VWA3B: variants seen among roughly 807,000 people sequenced by gnomAD.
VWA3B encodes the protein von Willebrand factor A domain-containing protein 3B.
In VWA3B, 138 loss-of-function variants were observed where a neutral mutation model predicts 158.3. The ratio of observed to expected loss-of-function variants is 0.87; its 90% CI spans 0.76 to 1.00. The LOEUF is 1.00. VWA3B is among the 50% of genes least tolerant of loss of function. VWA3B has a pLI of 0.00. For missense variants in VWA3B, 1,555 were observed against 1,565.1 expected (o/e 0.99, Z 0.11); for synonymous variants, 596 against 587.3 (o/e 1.01, Z -0.21).
At chr2:98,324,428 GC>G in the VWA3B span, among the ~76,000 whole-genome samples, 3 of 152,176 alleles carry the variant, frequency 2.0e-5, no homozygotes, top group African/African-American at 7.2e-5. Context: ...TTCCCAGAGT[GC>G]TGGGATTAGA....
chr2:98,139,566 A>G (rs1010254757), intron 7 of VWA3B, among the ~76,000 whole-genome samples: 15 of 152,162 alleles, frequency 9.9e-5, no homozygotes, highest in African/African-American at 3.4e-4. Context: ...AAACACACCA[A>G]TCAGAACCCT....
At chr2:98,095,124 A>G (rs1283070056) in intron 2 of VWA3B, among the ~76,000 whole-genome samples, 1 of 152,122 alleles carries the variant, frequency 6.6e-6, no homozygotes, top group Non-Finnish European at 1.5e-5. Context: ...TTGTGGTTCT[A>G]TACAAATTTA....
intron 20 of VWA3B, among the ~76,000 whole-genome samples, chr2:98,252,767 C>T (rs978298518): frequency 6.6e-6 from 1 of 152,090 alleles, no homozygotes; most frequent in Non-Finnish European, 1.5e-5. Context: ...ACAGGGAGCC[C>T]CTTCCCAGGC....
At chr2:98,134,011 G>A in intron 7 of VWA3B, 72 bp downstream of exon 7, 1 of 1,296,812 alleles carries the variant, frequency 7.7e-7, no homozygotes, top group Non-Finnish European at 1.1e-6. Flanking sequence ...TCATTAGGAA[G>A]TAAAGTACGA....
chr2:98,322,506 G>T, the VWA3B span, among the ~76,000 whole-genome samples: 2 of 152,178 alleles, frequency 1.3e-5, no homozygotes, highest in African/African-American at 4.8e-5. Flanking sequence ...CCTAAATTAG[G>T]CATGTACAAG....
At chr2:98,134,461 G>A (rs1009057254) in intron 7 of VWA3B, among the ~76,000 whole-genome samples, 2 of 152,164 alleles carry the variant, frequency 1.3e-5, no homozygotes, top group Non-Finnish European at 2.9e-5. Flanking sequence ...TGAGCACAGA[G>A]AATGAGGTCA....
chr2:98,270,610 T>A, intron 21 of VWA3B, 72 bp from the exon 22 acceptor site: 1 of 1,472,556 alleles, frequency 6.8e-7, no homozygotes, highest in African/African-American at 1.4e-5. Flanking sequence ...CTTACCATAT[T>A]TTTTTATTAT....
chr2:98,158,896 G>A (rs1678334178), intron 7 of VWA3B, among the ~76,000 whole-genome samples: 1 of 152,114 alleles, frequency 6.6e-6, no homozygotes, highest in Non-Finnish European at 1.5e-5. Context: ...AGCCCAGGGA[G>A]CTGGGCCCTG....
intron 8 of VWA3B, among the ~76,000 whole-genome samples, chr2:98,179,784 T>TC (rs1680340717): frequency 7.0e-5 from 5 of 71,586 alleles, no homozygotes; most frequent in Admixed American, 1.6e-4. Context: ...TCTTTCTCTT[T>TC]CTTTTCTTTC....
intron 3 of VWA3B, among the ~76,000 whole-genome samples, chr2:98,117,425 A>G (rs531506472): frequency 6.6e-6 from 1 of 152,306 alleles, no homozygotes; most frequent in African/African-American, 2.4e-5. Flanking sequence ...TGGGGCCTAG[A>G]ACTGGGCTGT....
chr2:98,123,132 T>C (rs1179242844), intron 5 of VWA3B, among the ~76,000 whole-genome samples: 4 of 152,164 alleles, frequency 2.6e-5, no homozygotes, highest in East Asian at 1.9e-4. Context: ...GCTTCTCTGC[T>C]CCACACCTGT....
intron 24 of VWA3B, among the ~76,000 whole-genome samples, chr2:98,299,157 A>T (rs1279045931): frequency 6.6e-6 from 1 of 152,186 alleles, no homozygotes; most frequent in Admixed American, 6.5e-5. Flanking sequence ...TTAGGAAATT[A>T]TCACAAATTG....
intron 8 of VWA3B, among the ~76,000 whole-genome samples, chr2:98,169,919 G>A (rs1679437451): frequency 6.6e-6 from 1 of 152,034 alleles, no homozygotes; most frequent in Non-Finnish European, 1.5e-5. Context: ...AGGAGTTTGA[G>A]ACCATCCTGG....
In VWA3B at chr2:98,236,641, A is replaced by G; in HGVS notation, c.2584A>G (p.Met862Val). The change falls in exon 19 of 28, where the codon ATG (methionine) becomes GTG (valine). Residue 862 changes from methionine to valine, a missense_variant. Physicochemically the swap from Met to Val is conservative, Grantham distance 21 (BLOSUM62 1). Transcript: ENST00000477737. ...CTTGGTCGCCAAGAAACTCACCCTCATGGATGCCTTGTCAGTGGCAGCAGT... is the reference window on the plus strand; with the variant it reads ...CTTGGTCGCCAAGAAACTCACCCTCGTGGATGCCTTGTCAGTGGCAGCAGT... ...YGLVAKKLTL[M>V]DALSVAAVPH... The G allele has an allele frequency of 1.2e-6, 2 of 1,614,212 alleles. No homozygotes were observed. The highest frequency in any genetic ancestry group is 1.7e-6 in the Non-Finnish European group (2 of 1,180,036).
At chr2:98,134,786 A>G (rs887479466) in intron 7 of VWA3B, among the ~76,000 whole-genome samples, 2 of 152,018 alleles carry the variant, frequency 1.3e-5, no homozygotes, top group African/African-American at 4.8e-5. Flanking sequence ...GCTGCTTGAA[A>G]GATTTACGTA....
intron 21 of VWA3B, among the ~76,000 whole-genome samples, chr2:98,257,227 A>C (rs1046036839): frequency 6.6e-5 from 10 of 152,082 alleles, no homozygotes; most frequent in African/African-American, 1.7e-4. Context: ...TGCCGGGCTT[A>C]TCTCACTTAA....
chr2:98,174,005 T>A (rs1679811384), intron 8 of VWA3B, among the ~76,000 whole-genome samples: 1 of 151,804 alleles, frequency 6.6e-6, no homozygotes, highest in Non-Finnish European at 1.5e-5. Context: ...GCACAACAAA[T>A]CTATTGAGGA....
intron 12 of VWA3B, among the ~76,000 whole-genome samples, chr2:98,211,704 C>G (rs994107330): frequency 2.0e-5 from 3 of 152,228 alleles, no homozygotes; most frequent in African/African-American, 7.2e-5. Flanking sequence ...AGGAAATCCA[C>G]AGTCCTGACT....
chr2:98,300,115 A>G lies in VWA3B; in HGVS notation c.3319A>G (p.Lys1107Glu), dbSNP rs1690083835. The change falls in exon 25 of 28, where the codon AAA (lysine) becomes GAA (glutamate). Residue 1107 changes from lysine (K) to glutamate (E), a missense_variant. By Grantham distance (56) the Lys-to-Glu change is moderately conservative. Coordinates refer to ENST00000477737, the MANE Select transcript of VWA3B (RefSeq NM_144992.5). ...TGTGTTTGCCAAAATTGTGATACCC[A>G]AAGGATTTGACTTCTATGTCCCTGC... ...DYVFAKIVIP[K>E]GFDFYVPAIV... The G allele has an allele frequency of 3.1e-6, 5 of 1,614,106 alleles. No individual in the cohort carries two copies. The highest frequency in any genetic ancestry group is 4.2e-6 in the Non-Finnish European group (5 of 1,180,046).
Sources: allele counts gnomAD v4.1 joint callset (sites outside exome capture counted in the v4.1 genomes callset), GRCh38; gene constraint gnomAD v4.1.1; transcripts MANE v1.5; gene names NCBI Gene and HGNC (gene_info 2026-07-23, HGNC 2026-07-21).